FOXN3: variants seen among roughly 807,000 people sequenced by gnomAD.
The protein encoded by FOXN3 is forkhead box protein N3.
A neutral mutation model predicts 38.4 loss-of-function variants in FOXN3; 7 were observed. The ratio of observed to expected loss-of-function variants is 0.18; its 90% CI spans 0.10 to 0.34. FOXN3 has a LOEUF of 0.34. FOXN3 is among the 10% of genes least tolerant of loss of function. FOXN3 has a pLI of 1.00. For synonymous variants in FOXN3, 230 were observed against 242.2 expected (o/e 0.95, Z 0.47); for missense variants, 456 against 613.4 (o/e 0.74, Z 2.71).
intron 1 of FOXN3, among the ~76,000 whole-genome samples, chr14:89,472,873 A>G (rs1206615802): frequency 6.6e-6 from 1 of 152,102 alleles, no homozygotes; most frequent in Non-Finnish European, 1.5e-5. Context: ...GCTCTCAAAC[A>G]ATTTCCATAA....
intron 1 of FOXN3, among the ~76,000 whole-genome samples, chr14:89,472,285 T>C (rs1248379132): frequency 1.3e-5 from 2 of 150,854 alleles, no homozygotes; most frequent in Admixed American, 6.6e-5. Flanking sequence ...GAAACTTCCC[T>C]ATTTTATGCC....
chr14:89,283,427 C>A (rs1256798364), intron 3 of FOXN3, among the ~76,000 whole-genome samples: 1 of 152,116 alleles, frequency 6.6e-6, no homozygotes, highest in South Asian at 2.1e-4. Context: ...TTGATTTTTT[C>A]CCCCCTCCAT....
intron 1 of FOXN3, among the ~76,000 whole-genome samples, chr14:89,429,398 C>T (rs1892111365): frequency 2.0e-5 from 3 of 152,334 alleles, no homozygotes; most frequent in Middle Eastern, 6.8e-3. Context: ...TGCCTCTCAA[C>T]GCACTGGCTT....
chr14:89,494,568 G>T (rs923167927), intron 1 of FOXN3, among the ~76,000 whole-genome samples: 10 of 152,178 alleles, frequency 6.6e-5, no homozygotes, highest in African/African-American at 2.4e-4. Context: ...GGACAGAAAA[G>T]GTGAGCATCT....
chr14:89,176,998 T>G, intron 5 of FOXN3, among the ~76,000 whole-genome samples: 1 of 139,492 alleles, frequency 7.2e-6, no homozygotes, highest in Non-Finnish European at 1.5e-5. Flanking sequence ...TATCTCTCTC[T>G]CTCTTTCTTT....
Position 89,412,374 on chromosome 14 carries a change from G to A in FOXN3, c.103C>T (p.Leu35Phe). 6.2e-7 allele frequency: 1 copy of A among 1,614,188 alleles called. No individual in the cohort carries two copies. The highest frequency in any genetic ancestry group is 2.2e-5 in the East Asian group (1 of 44,888). The part of the protein sequence containing the change: ...CYGGSGFSKA[L>F]QEDDDLDFSL... ...AAGTCGAGGTCATCGTCTTCCTGAA[G>A]GGCCTTGGAGAAACCGCTGCCCCCG... The change falls in exon 2 of 6, where the codon CTT (leucine) becomes TTT (phenylalanine). Residue 35 changes from leucine to phenylalanine, a missense_variant. Around this residue, in one of 3 missense-constraint regions of FOXN3, gnomAD observed 59 missense variants for 69.0 expected, o/e 0.85. Transcript: ENST00000557258. The surrounding 1 kb of genome is among the most constrained non-coding windows in gnomAD (Gnocchi z 4.7).
chr14:89,359,428 T>C (rs1032066549), intron 2 of FOXN3, among the ~76,000 whole-genome samples: 2 of 152,230 alleles, frequency 1.3e-5, no homozygotes, highest in Admixed American at 6.5e-5. Flanking sequence ...ACTTGTCAAA[T>C]TGTGAAATCA....
At chr14:89,498,829 G>A (rs1026353716) in intron 1 of FOXN3, among the ~76,000 whole-genome samples, 5 of 150,894 alleles carry the variant, frequency 3.3e-5, no homozygotes, top group African/African-American at 1.2e-4. Flanking sequence ...CACACAGAGG[G>A]TGGGGGGAAC....
chr14:89,360,080 C>T (rs1049779507), intron 2 of FOXN3, among the ~76,000 whole-genome samples: 7 of 152,178 alleles, frequency 4.6e-5, no homozygotes, highest in African/African-American at 1.4e-4. Flanking sequence ...CTCCTGGAAA[C>T]GGCCTAGGTT....
intron 1 of FOXN3, chr14:89,576,997 C>G (rs45591543): frequency 2.0e-5 from 3 of 152,152 alleles, no homozygotes; most frequent in African/African-American, 7.2e-5. Context: ...CATTGAAAAG[C>G]GCCCTGTGCT....
chr14:89,227,434 C>T (rs1884675999), intron 4 of FOXN3, among the ~76,000 whole-genome samples: 1 of 152,184 alleles, frequency 6.6e-6, no homozygotes. Context: ...TCCAACTAGA[C>T]AAAATAAGAC....
chr14:89,463,875 C>T (rs894887136), intron 1 of FOXN3, among the ~76,000 whole-genome samples: 21 of 151,536 alleles, frequency 1.4e-4, no homozygotes, highest in Admixed American at 4.6e-4. Context: ...ACCTCTGCCT[C>T]CCAGGTTCAA....
intron 4 of FOXN3, among the ~76,000 whole-genome samples, chr14:89,266,556 T>C (rs1188539892): frequency 6.6e-6 from 1 of 152,126 alleles, no homozygotes; most frequent in Non-Finnish European, 1.5e-5. Context: ...CAAACCTTCA[T>C]TGATCTCCTA....
chr14:89,501,072 C>T (rs1331145586), intron 1 of FOXN3, among the ~76,000 whole-genome samples: 1 of 152,158 alleles, frequency 6.6e-6, no homozygotes, highest in Non-Finnish European at 1.5e-5. Flanking sequence ...ATCGTGTCGC[C>T]TGGAGGATGG....
In FOXN3 at chr14:89,492,833, T is replaced by C. The variant is rs1246738135; in HGVS notation, c.-14-80343A>G. On this transcript the variant is annotated intron_variant, in intron 1 of 6. Transcript: ENST00000345097. ...AAAGCTTCAACATTCATTTCATTTA[T>C]CAACTTATTTAGAAAGGCACATTGT... Among the ~76,000 whole-genome samples the C allele has an allele frequency of 3.3e-5, 5 of 152,220 alleles. No individual in the cohort carries two copies. The East Asian group carries it at 9.6e-4, about 29-fold the overall frequency.
intron 3 of FOXN3, among the ~76,000 whole-genome samples, chr14:89,321,494 T>C (rs1596181910): frequency 6.6e-6 from 1 of 152,226 alleles, no homozygotes; most frequent in African/African-American, 2.4e-5. Flanking sequence ...GGACAATTGC[T>C]TGAACCTGGG....
intron 4 of FOXN3, among the ~76,000 whole-genome samples, chr14:89,218,058 CA>C (rs1884342266): frequency 6.6e-6 from 1 of 152,226 alleles, no homozygotes; most frequent in Admixed American, 6.5e-5. Flanking sequence ...ACTCTTTTAG[CA>C]AAACCCGGTT....
intron 1 of FOXN3, among the ~76,000 whole-genome samples, chr14:89,532,234 C>T (rs1894585412): frequency 6.6e-6 from 1 of 152,142 alleles, no homozygotes; most frequent in South Asian, 2.1e-4. Context: ...GTCTGCAATG[C>T]CCAGAGAAAG....
At chr14:89,592,823 G>A (rs11851789) in intron 1 of FOXN3, among the ~76,000 whole-genome samples, 9,782 of 152,136 alleles carry the variant, frequency 0.064, 757 homozygotes, top group African/African-American at 0.17. Context: ...GGAGACAGGT[G>A]AAAAATAAGT....
Sources: allele counts gnomAD v4.1 joint callset (sites outside exome capture counted in the v4.1 genomes callset), GRCh38; gene constraint gnomAD v4.1.1; regional missense constraint gnomAD v4.1.1; non-coding constraint Gnocchi (gnomAD v3.1); transcripts MANE v1.5; gene names NCBI Gene and HGNC (gene_info 2026-07-23, HGNC 2026-07-21).